Variants in ZFYVE1 observed in about 807,000 individuals in gnomAD.
The protein encoded by ZFYVE1 is zinc finger FYVE domain-containing protein 1.
In ZFYVE1, 30 loss-of-function variants were observed where a neutral mutation model predicts 74.4. The ratio of observed to expected loss-of-function variants is 0.40; its 90% CI spans 0.30 to 0.55. ZFYVE1 has a LOEUF of 0.55. ZFYVE1 is among the 20% of genes least tolerant of loss of function. The probability of loss-of-function intolerance (pLI) is 0.42; values close to 1 mark genes in which losing one functional copy is unlikely to be tolerated. For missense variants in ZFYVE1, 703 were observed against 1,011.6 expected, an observed-to-expected ratio of 0.69 and a Z score of 4.14; for synonymous variants, 335 against 385.1, an observed-to-expected ratio of 0.87 and a Z score of 1.52.
At chr14:72,993,875 C>T (rs985342960) in intron 3 of ZFYVE1, among the ~76,000 whole-genome samples, 1 of 151,276 alleles carries the variant, frequency 6.6e-6, no homozygotes, top group African/African-American at 2.4e-5. Context: ...ACTAGCCAAG[C>T]GTGGTGGCAG....
At position 72,975,219 on chromosome 14, in the gene ZFYVE1, G is replaced by A; in HGVS notation, c.1807-260C>T. The A allele has an allele frequency of 5.8e-6, 3 of 516,584 alleles. No individual in the cohort carries two copies. Among genetic ancestry groups the A allele is most frequent in the Non-Finnish European group, 1.0e-5 (3 of 296,380 alleles). The allele number at this position is 516,584 out of a possible 1,614,324, so 32.0% of individuals were successfully genotyped here. ...TGCTGTAGCGTTAATGGATCAAGCT[G>A]AGGATGACCCTAAATAACCTCTAAA... On this transcript the variant is annotated intron_variant, in intron 9 of 11. Transcript: ENST00000556143. This position sits in a 1 kb window ranked among gnomAD's most constrained non-coding sequence, Gnocchi z 4.1.
intron 2 of ZFYVE1, among the ~76,000 whole-genome samples, chr14:73,002,448 TTTTG>T (rs1893891807): frequency 9.8e-6 from 1 of 102,060 alleles, no homozygotes; most frequent in African/African-American, 3.9e-5. Flanking sequence ...TTGGTTTTGG[TTTTG>T]TTTTTTTTGA....
intron 4 of ZFYVE1, among the ~76,000 whole-genome samples, chr14:72,985,379 T>C (rs1364254316): frequency 2.6e-5 from 4 of 152,052 alleles, no homozygotes; most frequent in Non-Finnish European, 4.4e-5. Flanking sequence ...GTCACCCAGG[T>C]TGGAGTGCAG....
chr14:73,005,667 G>A (rs1310028176), intron 2 of ZFYVE1, among the ~76,000 whole-genome samples: 1 of 152,108 alleles, frequency 6.6e-6, no homozygotes, highest in Non-Finnish European at 1.5e-5. Flanking sequence ...GACACTCAGC[G>A]GACTAAAAGA....
intron 1 of ZFYVE1, among the ~76,000 whole-genome samples, chr14:73,026,454 G>A (rs904484406): frequency 2.0e-5 from 3 of 152,150 alleles, no homozygotes; most frequent in African/African-American, 7.2e-5. Flanking sequence ...CAAGGAAGGC[G>A]AAGGGAGTGA....
At chr14:73,003,867 A>G (rs1469615807) in intron 2 of ZFYVE1, among the ~76,000 whole-genome samples, 7 of 152,158 alleles carry the variant, frequency 4.6e-5, no homozygotes, top group Non-Finnish European at 1.0e-4. Context: ...GGCCGTGTCT[A>G]CCTTATCTTT....
rs529147278 is a variant in ZFYVE1, at chr14:72,974,968, A to G, written c.1807-9T>C. 550 of 1,595,972 alleles carry G rather than the reference A, an allele frequency of 3.4e-4. 6 individuals carry two copies. In the South Asian group the frequency reaches 5.7e-3, roughly 17 times the overall value. ...GCACACTTGTTGCAGCTCTGTTCCA[A>G]GCCCAAAACAAAACAGAGAGGCAGG... On this transcript the variant is annotated splice_polypyrimidine_tract_variant and intron_variant, in intron 9 of 11. Transcript: ENST00000556143.
At chr14:73,023,303 T>TTATATATGTTTTATATAATATA (rs1567366795) in intron 2 of ZFYVE1, among the ~76,000 whole-genome samples, 1 of 103,858 alleles carries the variant, frequency 9.6e-6, no homozygotes, top group East Asian at 2.5e-4. Context: ...ATAATATATA[T>TTATATATGTTTTATATAATATA]TATATATGTT....
intron 3 of ZFYVE1, among the ~76,000 whole-genome samples, chr14:72,994,097 T>C (rs888471374): frequency 1.4e-5 from 2 of 146,300 alleles, no homozygotes; most frequent in Non-Finnish European, 3.0e-5. Context: ...CTGAGGTGGG[T>C]GGATCACCTG....
intron 2 of ZFYVE1, among the ~76,000 whole-genome samples, chr14:73,000,579 G>A: frequency 6.6e-6 from 1 of 151,866 alleles, no homozygotes; most frequent in Non-Finnish European, 1.5e-5. Flanking sequence ...ACTCCAGGAT[G>A]GGTGACAGAG....
At chr14:72,971,995 G>A (rs1278168556) in intron 11 of ZFYVE1, among the ~76,000 whole-genome samples, 1 of 152,172 alleles carries the variant, frequency 6.6e-6, no homozygotes, top group Non-Finnish European at 1.5e-5. Flanking sequence ...GCAGAGGCAG[G>A]AGGACCACTC....
At chr14:72,996,519 A>G (rs926594780) in intron 3 of ZFYVE1, among the ~76,000 whole-genome samples, 6 of 152,112 alleles carry the variant, frequency 3.9e-5, no homozygotes, top group Non-Finnish European at 1.5e-5. Flanking sequence ...TTGGCCTCCC[A>G]AAGTGCTGAG....
chr14:73,014,528 A>G (rs988845095), intron 2 of ZFYVE1, among the ~76,000 whole-genome samples: 2 of 152,250 alleles, frequency 1.3e-5, no homozygotes, highest in Non-Finnish European at 2.9e-5. Context: ...GACAGCTCCT[A>G]CGAAGATCTA....
intron 3 of ZFYVE1, among the ~76,000 whole-genome samples, chr14:72,997,526 G>A (rs1319948693): frequency 6.6e-6 from 1 of 152,086 alleles, no homozygotes; most frequent in Admixed American, 6.6e-5. Flanking sequence ...ATCTCACTCT[G>A]ATCAAGCTTT....
At chr14:73,005,659 C>A (rs1285633230) in intron 2 of ZFYVE1, among the ~76,000 whole-genome samples, 1 of 152,174 alleles carries the variant, frequency 6.6e-6, no homozygotes, top group African/African-American at 2.4e-5. Flanking sequence ...CTCCTAGCGA[C>A]ACTCAGCGGA....
intron 3 of ZFYVE1, 94 bp from the exon 4 acceptor site, chr14:72,993,451 C>T (rs1893671227): frequency 8.3e-7 from 1 of 1,211,634 alleles, no homozygotes; most frequent in African/African-American, 1.5e-5. Flanking sequence ...ACCTGTAACC[C>T]TAGCACTTTG....
rs373419568 is a variant in ZFYVE1, at chr14:72,971,755, C to G, written c.2102-641G>C. Among the ~76,000 whole-genome samples the G allele has an allele frequency of 2.5e-4, 38 of 152,252 alleles. No individual in the cohort carries two copies. The East Asian group carries it at 5.8e-3, about 23-fold the overall frequency. On this transcript the variant is annotated intron_variant, in intron 11 of 11. Coordinates refer to ENST00000556143, the MANE Select transcript of ZFYVE1 (RefSeq NM_021260.4). ...AGTAGCTAGGATTATAGGCATGCAC[C>G]CCCACACCCAGCTCCTTGATCTTTA...
chr14:73,023,995 C>T (rs369024924), intron 2 of ZFYVE1, 31 bp downstream of exon 2: 45 of 1,601,046 alleles, frequency 2.8e-5, no homozygotes, highest in African/African-American at 6.7e-5. Context: ...TGCTCCACTA[C>T]ACATGAATCC....
At chr14:72,991,663 T>C (rs1245545424) in intron 4 of ZFYVE1, among the ~76,000 whole-genome samples, 2 of 152,248 alleles carry the variant, frequency 1.3e-5, no homozygotes, top group East Asian at 3.9e-4. Flanking sequence ...TCATCTTCCG[T>C]TTTCACTGCC....
Sources: allele counts gnomAD v4.1 joint callset (sites outside exome capture counted in the v4.1 genomes callset), GRCh38; gene constraint gnomAD v4.1.1; non-coding constraint Gnocchi (gnomAD v3.1); transcripts MANE v1.5; gene names NCBI Gene and HGNC (gene_info 2026-07-23, HGNC 2026-07-21).